Variants in ANO3 observed in about 807,000 individuals in gnomAD.
ANO3 encodes anoctamin 3.
Under a neutral mutation model 144.8 loss-of-function variants are expected in ANO3, and 99 were observed. The observed-to-expected ratio is 0.68, with a 90% CI of 0.58 to 0.81. The LOEUF (loss-of-function observed/expected upper bound fraction) is 0.81, where lower values mean the gene tolerates loss of function less well. ANO3 is among the 30% of genes least tolerant of loss of function. ANO3 has a pLI of 0.00. For synonymous variants in ANO3, 414 were observed against 392.6 expected, an observed-to-expected ratio of 1.05 and a Z score of -0.64; for missense variants, 905 against 1,202.2, an observed-to-expected ratio of 0.75 and a Z score of 3.66.
chr11:26,289,798 A>G (rs376275917), intron 1 of ANO3, among the ~76,000 whole-genome samples: 10 of 148,122 alleles, frequency 6.8e-5, no homozygotes, highest in East Asian at 2.0e-4. Flanking sequence ...GTATATATAT[A>G]TGTGTGTGTA....
At chr11:26,191,214 G>T (rs1324273097) in intron 1 of ANO3, among the ~76,000 whole-genome samples, 1 of 151,894 alleles carries the variant, frequency 6.6e-6, no homozygotes. Flanking sequence ...GGAGGTGGAG[G>T]TTGTGGTGAG....
At chr11:26,272,297 GA>G (rs1204006887) in intron 1 of ANO3, among the ~76,000 whole-genome samples, 2 of 151,782 alleles carry the variant, frequency 1.3e-5, no homozygotes. Context: ...ACGTACCATA[GA>G]TTGATGTCTG....
upstream of ANO3, among the ~76,000 whole-genome samples, chr11:26,305,736 G>T (rs1854365511): frequency 1.3e-5 from 2 of 152,092 alleles, no homozygotes. Flanking sequence ...TATAAATCCT[G>T]ATATGGAAAC....
rs770278976 is a variant in ANO3, at chr11:26,642,036, A to C, written c.2275+7A>C. 25 of 1,606,960 alleles carry C rather than the reference A, an allele frequency of 1.6e-5. No homozygotes were observed. In the South Asian group the frequency reaches 2.7e-4, roughly 17 times the overall value. ...GATGAGTACTTAGAAATGGGTAAGG[A>C]AAAAAAATCTGCAGGACTATTTGGC... On this transcript the variant is annotated splice_region_variant and intron_variant, in intron 22 of 26. Coordinates refer to ENST00000256737, the MANE Select transcript of ANO3 (RefSeq NM_031418.4).
At position 26,639,155 on chromosome 11, in the gene ANO3, T is replaced by C. The variant is rs757620080; in HGVS notation, c.2055T>C (p.Ser685=). 3 of 1,610,998 alleles carry C rather than the reference T, an allele frequency of 1.9e-6. No individual in the cohort carries two copies. The highest frequency in any genetic ancestry group is 1.1e-5 in the South Asian group (1 of 90,996). Residue 685 remains serine (S), a synonymous_variant, in exon 21 of 27, where the codon AGT becomes AGC. Transcript: ENST00000256737. ...DRWRLEECHP[S]GCLIDLCLQM... ...ATGTTCTATTTCAGTGTCATCCTAG[T>C]GGCTGTTTGATAGACCTCTGCCTCC... is the stretch of plus-strand genomic sequence containing the variant.
At chr11:26,197,560 C>T (rs1851614788) in intron 1 of ANO3, among the ~76,000 whole-genome samples, 1 of 152,026 alleles carries the variant, frequency 6.6e-6, no homozygotes, top group Admixed American at 6.6e-5. Context: ...ACCATGTTAG[C>T]CAGGATGGTC....
chr11:26,638,270 C>T (rs948595568), intron 20 of ANO3, among the ~76,000 whole-genome samples: 14 of 152,122 alleles, frequency 9.2e-5, no homozygotes, highest in African/African-American at 3.1e-4. Flanking sequence ...TTGGAAAACA[C>T]TAACCAATTA....
At chr11:26,335,313 C>A (rs1000212223) in intron 1 of ANO3, among the ~76,000 whole-genome samples, 2 of 152,132 alleles carry the variant, frequency 1.3e-5, no homozygotes, top group African/African-American at 4.8e-5. Flanking sequence ...ATTTTCCTTA[C>A]TAAAATTCAT....
At chr11:26,443,486 C>G (rs1384648166) in intron 2 of ANO3, among the ~76,000 whole-genome samples, 1 of 152,106 alleles carries the variant, frequency 6.6e-6, no homozygotes, top group Non-Finnish European at 1.5e-5. Context: ...CCTATAGTCC[C>G]AGCAACTCAG....
chr11:26,227,124 AAAATTTTCATTTTAAGACCAG>A (rs1185460287), intron 1 of ANO3, among the ~76,000 whole-genome samples: 1 of 152,192 alleles, frequency 6.6e-6, no homozygotes, highest in African/African-American at 2.4e-5. Context: ...TACATGTGTC[AAAATTTTCATTTTAAGACCAG>A]ATAGTACTCC....
At chr11:26,378,750 G>A (rs1194787626) in intron 1 of ANO3, among the ~76,000 whole-genome samples, 4 of 152,010 alleles carry the variant, frequency 2.6e-5, no homozygotes, top group African/African-American at 4.8e-5. Flanking sequence ...TTTTGGATGA[G>A]AGTCAATGGG....
intron 1 of ANO3, among the ~76,000 whole-genome samples, chr11:26,319,258 C>A (rs1045576350): frequency 6.6e-6 from 1 of 152,072 alleles, no homozygotes; most frequent in Admixed American, 6.6e-5. Context: ...CTCGGCCTCC[C>A]AAAGTGCTAG....
intron 1 of ANO3, among the ~76,000 whole-genome samples, chr11:26,310,171 A>T (rs553431796): frequency 1.3e-5 from 2 of 152,350 alleles, no homozygotes; most frequent in East Asian, 3.9e-4. Flanking sequence ...AGCTACATAT[A>T]TAAAATAGCA....
At chr11:26,317,425 AC>A (rs1854651522) in intron 1 of ANO3, among the ~76,000 whole-genome samples, 3 of 152,164 alleles carry the variant, frequency 2.0e-5, no homozygotes, top group East Asian at 1.9e-4. Flanking sequence ...GAAAAAAAAA[AC>A]AACCCCATCA....
intron 1 of ANO3, chr11:26,287,824 A>G (rs899999722): frequency 6.6e-6 from 1 of 152,246 alleles, no homozygotes; most frequent in Admixed American, 6.5e-5. Flanking sequence ...TGTAAGTGCC[A>G]TAATCAAATA....
At chr11:26,604,034 AACACTAG>A (rs1025448940) in intron 17 of ANO3, among the ~76,000 whole-genome samples, 115 of 152,178 alleles carry the variant, frequency 7.6e-4, no homozygotes, top group African/African-American at 2.6e-3. Flanking sequence ...TGTGCAGTAG[AACACTAG>A]AACTTATTTA....
intron 1 of ANO3, among the ~76,000 whole-genome samples, chr11:26,201,619 T>G (rs1416107371): frequency 6.6e-6 from 1 of 152,050 alleles, no homozygotes; most frequent in Non-Finnish European, 1.5e-5. Flanking sequence ...CTTTGTGACT[T>G]AATAAATAAC....
chr11:26,556,266 G>A (rs991178553), intron 13 of ANO3, among the ~76,000 whole-genome samples: 1 of 151,954 alleles, frequency 6.6e-6, no homozygotes, highest in African/African-American at 2.4e-5. Context: ...ATTAGATAGA[G>A]GTCCTAAATT....
At chr11:26,441,642 G>A (rs1196252226) in intron 1 of ANO3, among the ~76,000 whole-genome samples, 3 of 152,150 alleles carry the variant, frequency 2.0e-5, no homozygotes, top group African/African-American at 7.2e-5. Context: ...TTCCCCAAAT[G>A]AACTTAAACA....
Sources: gnomAD v4.1 joint callset for allele counts (sites outside exome capture counted in the v4.1 genomes callset) on GRCh38, gnomAD v4.1.1 for gene constraint, MANE v1.5 for transcripts, NCBI Gene and HGNC (gene_info 2026-07-23, HGNC 2026-07-21) for gene names.